Variants in SPTLC3 observed in about 807,000 individuals in gnomAD.
SPTLC3 encodes serine palmitoyltransferase 3.
Under a neutral mutation model 59.3 loss-of-function variants are expected in SPTLC3, and 36 were observed. That is an observed-to-expected ratio of 0.61 (90% CI 0.47 to 0.80). The LOEUF (loss-of-function observed/expected upper bound fraction) is 0.80. Among genes scored for constraint, SPTLC3 ranks in the 30% least tolerant of loss-of-function variants. The probability of loss-of-function intolerance (pLI) is 0.00; values close to 1 mark genes in which losing one functional copy is unlikely to be tolerated. For missense variants in SPTLC3, 625 were observed against 685.1 expected (o/e 0.91, Z 0.98); for synonymous variants, 257 against 240.8 (o/e 1.07, Z -0.62).
chr20:13,057,973 C>T (rs554000141), intron 2 of SPTLC3, among the ~76,000 whole-genome samples: 8 of 152,154 alleles, frequency 5.3e-5, no homozygotes, highest in African/African-American at 1.9e-4. Flanking sequence ...TTTCTCAAGT[C>T]GCTATGGTCC....
At chr20:13,030,895 C>T (rs1190738333) in intron 1 of SPTLC3, among the ~76,000 whole-genome samples, 2 of 152,110 alleles carry the variant, frequency 1.3e-5, no homozygotes, top group Non-Finnish European at 2.9e-5. Context: ...TAGGTCAGAT[C>T]CCATCCTATA....
At chr20:13,088,784 A>ATTTTTTTTTTTTTTTTTTT (rs375680092) in intron 4 of SPTLC3, among the ~76,000 whole-genome samples, 3 of 111,888 alleles carry the variant, frequency 2.7e-5, no homozygotes, top group Non-Finnish European at 3.4e-5. Context: ...GCACCCGGCT[A>ATTTTTTTTTTTTTTTTTTT]TTTTTTTTTT....
chr20:13,097,262 G>A (rs1261383407), intron 6 of SPTLC3, among the ~76,000 whole-genome samples: 1 of 152,072 alleles, frequency 6.6e-6, no homozygotes, highest in East Asian at 1.9e-4. Context: ...CTAATCTGGA[G>A]CATGCAGAGA....
intron 2 of SPTLC3, among the ~76,000 whole-genome samples, chr20:13,068,739 T>A: frequency 7.6e-6 from 1 of 131,612 alleles, no homozygotes. Flanking sequence ...AAGAAATAAC[T>A]CTGAGTACTT....
At chr20:13,160,639 G>A (rs757865983) in intron 11 of SPTLC3, among the ~76,000 whole-genome samples, 4 of 152,206 alleles carry the variant, frequency 2.6e-5, no homozygotes, top group Non-Finnish European at 4.4e-5. Context: ...ATGTGAATGA[G>A]TAATATCAGA....
chr20:13,099,858 G>C (rs557607651), intron 6 of SPTLC3, among the ~76,000 whole-genome samples: 1 of 152,180 alleles, frequency 6.6e-6, no homozygotes, highest in Non-Finnish European at 1.5e-5. Context: ...TGCAGAAACT[G>C]TATGTGCATG....
intron 1 of SPTLC3, among the ~76,000 whole-genome samples, chr20:13,025,067 A>G (rs988977228): frequency 2.0e-5 from 3 of 152,194 alleles, no homozygotes; most frequent in African/African-American, 7.2e-5. Context: ...CTCCTTTCCT[A>G]TGGCCCAAAA....
At chr20:13,068,953 T>C (rs922719860) in intron 2 of SPTLC3, among the ~76,000 whole-genome samples, 2 of 152,154 alleles carry the variant, frequency 1.3e-5, no homozygotes, top group African/African-American at 4.8e-5. Flanking sequence ...CATTTCTACA[T>C]AGGTACAAAT....
chr20:13,040,847 T>A (rs768672404), intron 1 of SPTLC3, among the ~76,000 whole-genome samples: 1 of 152,182 alleles, frequency 6.6e-6, no homozygotes, highest in Non-Finnish European at 1.5e-5. Flanking sequence ...TGAAGGCTAG[T>A]TTTGCCAACA....
chr20:13,011,616 C>A (rs1351519214), intron 1 of SPTLC3, among the ~76,000 whole-genome samples: 1 of 152,188 alleles, frequency 6.6e-6, no homozygotes, highest in Non-Finnish European at 1.5e-5. Context: ...ATCCCTGCTC[C>A]AGCCTGCAGC....
chr20:13,031,271 T>C (rs74958122), intron 1 of SPTLC3, among the ~76,000 whole-genome samples: 7,950 of 152,278 alleles, frequency 0.052, 243 homozygotes, highest in South Asian at 0.082. Context: ...ACTTGAAATG[T>C]GGCTAGTGCA....
intron 4 of SPTLC3, among the ~76,000 whole-genome samples, chr20:13,086,970 T>G (rs2122612304): frequency 6.6e-6 from 1 of 152,250 alleles, no homozygotes; most frequent in Admixed American, 6.5e-5. Context: ...ACTTTTTATT[T>G]ATTTTTTAGA....
At position 13,091,128 on chromosome 20, in the gene SPTLC3, T is replaced by C; in HGVS notation, c.653T>C (p.Phe218Ser). ...HKELEDLVAKFLNVEAAMVFG... is the reference protein window; with the variant it reads ...HKELEDLVAKSLNVEAAMVFG... The stretch of plus-strand genomic sequence containing the variant: ...GAGTTGGAGGACCTTGTGGCTAAGT[T>C]CCTGAATGTGGAAGCAGCTATGGTC... Residue 218 changes from phenylalanine (F) to serine (S), a missense_variant, in exon 5 of 12, where the codon TTC becomes TCC. Phe to Ser is a radical substitution (Grantham distance 155). Coordinates refer to ENST00000399002, the MANE Select transcript of SPTLC3 (RefSeq NM_018327.4). 1.2e-6 allele frequency: 2 copies of C among 1,614,002 alleles called. No homozygotes were observed. Among genetic ancestry groups the C allele is most frequent in the Non-Finnish European group, 1.7e-6 (2 of 1,179,926 alleles).
At chr20:13,052,959 G>T (rs1987559926) in intron 2 of SPTLC3, among the ~76,000 whole-genome samples, 1 of 152,198 alleles carries the variant, frequency 6.6e-6, no homozygotes, top group African/African-American at 2.4e-5. Flanking sequence ...GGCAGCTGCA[G>T]GTGCAGCTTC....
intron 6 of SPTLC3, among the ~76,000 whole-genome samples, chr20:13,102,703 T>C (rs1462809831): frequency 6.6e-6 from 1 of 152,172 alleles, no homozygotes; most frequent in African/African-American, 2.4e-5. Context: ...GTTCCCTGAA[T>C]CATGTCTCAC....
At chr20:13,116,746 A>G (rs6041878) in intron 7 of SPTLC3, among the ~76,000 whole-genome samples, 97,473 of 152,114 alleles carry the variant, frequency 0.64, 31,392 homozygotes, top group Admixed American at 0.73. Context: ...GGCCCTCTAT[A>G]TGTGGTCCGC....
chr20:13,087,009 T>C (rs1019461476), intron 4 of SPTLC3, among the ~76,000 whole-genome samples: 17 of 152,140 alleles, frequency 1.1e-4, no homozygotes, highest in Non-Finnish European at 2.2e-4. Flanking sequence ...TTGGCCAGGC[T>C]GGTCTCAGAC....
intron 9 of SPTLC3, among the ~76,000 whole-genome samples, chr20:13,145,590 G>T (rs111281170): frequency 0.018 from 2,796 of 152,050 alleles, 54 homozygotes; most frequent in South Asian, 0.03. Flanking sequence ...TCAGTTCTAT[G>T]CCCATCAAAC....
intron 6 of SPTLC3, among the ~76,000 whole-genome samples, chr20:13,100,171 T>C (rs1051084525): frequency 1.3e-5 from 2 of 152,206 alleles, no homozygotes; most frequent in Non-Finnish European, 2.9e-5. Flanking sequence ...TTTAATTCTC[T>C]GTAGGAAAAA....
Sources: gnomAD v4.1 joint callset for allele counts (sites outside exome capture counted in the v4.1 genomes callset) on GRCh38, gnomAD v4.1.1 for gene constraint, MANE v1.5 for transcripts, NCBI Gene and HGNC (gene_info 2026-07-23, HGNC 2026-07-21) for gene names.